The following CCSER1 variants were observed in gnomAD, a reference collection of about 807,000 sequenced individuals.
The protein encoded by CCSER1 is coiled-coil serine rich protein 1, also known as serine-rich coiled-coil domain-containing protein 1.
CCSER1 carries 41 observed loss-of-function variants against 82.0 expected under a neutral mutation model. The observed-to-expected ratio is 0.50, with a 90% confidence interval of 0.39 to 0.65. CCSER1 has a LOEUF of 0.65. Ranked by LOEUF, CCSER1 falls within the 30% of genes least tolerant of loss-of-function variation. The pLI is 0.00. For missense variants in CCSER1, 1,119 were observed against 1,064.2 expected (o/e 1.05, Z -0.72); for synonymous variants, 414 against 383.9 (o/e 1.08, Z -0.92).
chr4:90,648,038 T>A (rs993512996), intron 6 of CCSER1, among the ~76,000 whole-genome samples: 1 of 152,046 alleles, frequency 6.6e-6, no homozygotes, highest in Admixed American at 6.6e-5. Flanking sequence ...AAGGGAACTT[T>A]TTTTCATTCA....
intron 6 of CCSER1, among the ~76,000 whole-genome samples, chr4:90,675,458 T>A (rs959068908): frequency 3.3e-5 from 5 of 151,992 alleles, no homozygotes; most frequent in Non-Finnish European, 7.4e-5. Context: ...AATATTAGTT[T>A]GAAATCAAAT....
chr4:91,177,343 A>T (rs1205514580), intron 10 of CCSER1, among the ~76,000 whole-genome samples: 3 of 152,100 alleles, frequency 2.0e-5, no homozygotes, highest in Non-Finnish European at 4.4e-5. Context: ...TAAAATGAGT[A>T]ATGGAGGATT....
chr4:91,115,216 T>C (rs1184059943), intron 10 of CCSER1, among the ~76,000 whole-genome samples: 2 of 152,254 alleles, frequency 1.3e-5, no homozygotes, highest in African/African-American at 4.8e-5. Context: ...AATATTTGCA[T>C]TGAATTATGA....
At chr4:91,500,683 T>C (rs563404243) in intron 10 of CCSER1, among the ~76,000 whole-genome samples, 7 of 152,140 alleles carry the variant, frequency 4.6e-5, no homozygotes, top group Non-Finnish European at 8.8e-5. Context: ...TTGAGCAACC[T>C]TGGGAAACTT....
At chr4:90,210,973 ATT>A (rs147865545) in intron 1 of CCSER1, among the ~76,000 whole-genome samples, 1,771 of 152,026 alleles carry the variant, frequency 0.012, 21 homozygotes, top group African/African-American at 0.033. Flanking sequence ...ATTTTTGTTT[ATT>A]TCAGTTGTCT....
intron 10 of CCSER1, among the ~76,000 whole-genome samples, chr4:91,163,739 G>A (rs1013839127): frequency 1.3e-5 from 2 of 151,408 alleles, no homozygotes; most frequent in Non-Finnish European, 2.9e-5. Context: ...TTTTTTCAGA[G>A]ACTAGGATTG....
chr4:91,451,382 A>T (rs1446584463), intron 10 of CCSER1, among the ~76,000 whole-genome samples: 1 of 152,046 alleles, frequency 6.6e-6, no homozygotes, highest in African/African-American at 2.4e-5. Context: ...AAAGCATCAT[A>T]CTATTTCCAA....
chr4:90,969,194 T>C (rs184737113), intron 9 of CCSER1, among the ~76,000 whole-genome samples: 86 of 152,060 alleles, frequency 5.7e-4, no homozygotes, highest in African/African-American at 2.0e-3. Flanking sequence ...ATACACATTA[T>C]GTAAGTGTCT....
chr4:91,599,249 T>G lies in CCSER1; in HGVS notation c.*192T>G. 1 of 634,670 alleles carries G rather than the reference T, an allele frequency of 1.6e-6. No individual in the cohort carries two copies. Among genetic ancestry groups the G allele is most frequent in the Admixed American group, 3.4e-5 (1 of 29,328 alleles). 39.3% of individuals were successfully genotyped at this position (634,670 alleles called of 1,614,324 possible). A position where few individuals can be genotyped will look rare whatever the true frequency, so the allele number is the denominator to read the frequency against. On this transcript the variant is annotated 3_prime_UTR_variant, in exon 11 of 11. Transcript: ENST00000509176. ...TTTTCCAAGAGTGAAAGTTTGAGCA[T>G]GTTAATTGAACTAGGTTGCATTGCC...
intron 5 of CCSER1, among the ~76,000 whole-genome samples, chr4:90,567,972 T>C (rs934281680): frequency 1.3e-5 from 2 of 152,188 alleles, no homozygotes; most frequent in African/African-American, 4.8e-5. Context: ...CATGAGCATG[T>C]TGTTTAATTT....
intron 10 of CCSER1, among the ~76,000 whole-genome samples, chr4:91,476,144 G>A (rs1438468328): frequency 6.6e-6 from 1 of 151,586 alleles, no homozygotes; most frequent in African/African-American, 2.4e-5. Flanking sequence ...CCTTTCTTTT[G>A]GATACATATT....
chr4:90,200,462 T>A (rs1378759054), intron 1 of CCSER1, among the ~76,000 whole-genome samples: 2 of 151,954 alleles, frequency 1.3e-5, no homozygotes, highest in African/African-American at 2.4e-5. Flanking sequence ...TAAAAAAAAA[T>A]TTCTAAAAAA....
intron 10 of CCSER1, among the ~76,000 whole-genome samples, chr4:91,095,413 C>T (rs934218100): frequency 3.9e-5 from 6 of 152,182 alleles, no homozygotes; most frequent in Non-Finnish European, 7.3e-5. Flanking sequence ...CTAATTGCCA[C>T]AGCCAGCAAA....
chr4:91,359,442 CAT>C lies in CCSER1; in HGVS notation c.2218-239129_2218-239128del, dbSNP rs535877315. On this transcript the variant is annotated intron_variant, in intron 10 of 10. Transcript: ENST00000509176. The stretch of plus-strand genomic sequence containing the variant: ...GAGGGTCTCTCTCTTACCTCAATCT[CAT>C]GTGGAAAACAGTGACTGATAAACTT... Among the ~76,000 whole-genome samples, 544 of 151,954 alleles carry C rather than the reference CAT, an allele frequency of 3.6e-3. 9 individuals carry two copies. The highest frequency in any genetic ancestry group is 4.5e-3 in the Non-Finnish European group (305 of 67,870).
intron 7 of CCSER1, among the ~76,000 whole-genome samples, chr4:90,784,983 T>G (rs2149629843): frequency 6.6e-6 from 1 of 152,278 alleles, no homozygotes; most frequent in Middle Eastern, 3.4e-3. Context: ...AACAGGAAGA[T>G]GAAGGGTTGG....
Position 90,971,161 on chromosome 4 carries a change from G to A in CCSER1, c.2172+47714G>A, listed in dbSNP as rs890186056. Reference sequence around the variant, plus strand: ...CTATGATAAAGACATACTTGAGACCGCATTATTTATGGGGAAAAGAAGTTT... The same window carrying A: ...CTATGATAAAGACATACTTGAGACCACATTATTTATGGGGAAAAGAAGTTT... On this transcript the variant is annotated intron_variant, in intron 9 of 10. Transcript: ENST00000509176. Among the ~76,000 whole-genome samples the A allele has an allele frequency of 6.6e-5, 10 of 151,798 alleles. 1 individual carries two copies. Among genetic ancestry groups the A allele is most frequent in the Admixed American group, 2.0e-4 (3 of 15,186 alleles).
At chr4:90,740,605 G>T (rs114966544) in intron 7 of CCSER1, among the ~76,000 whole-genome samples, 2,018 of 152,190 alleles carry the variant, frequency 0.013, 52 homozygotes, top group African/African-American at 0.046. Flanking sequence ...AATCATTTCA[G>T]AAAGGTTGGT....
At chr4:90,573,849 G>T (rs1315744588) in intron 5 of CCSER1, among the ~76,000 whole-genome samples, 4 of 152,028 alleles carry the variant, frequency 2.6e-5, no homozygotes. Context: ...AAATATTTTA[G>T]ATCCATCAAT....
chr4:91,248,189 A>G (rs1317215347), intron 10 of CCSER1, among the ~76,000 whole-genome samples: 1 of 152,218 alleles, frequency 6.6e-6, no homozygotes, highest in Non-Finnish European at 1.5e-5. Flanking sequence ...AAATACCCAC[A>G]TATGCACTCA....
Sources: allele counts gnomAD v4.1 joint callset (sites outside exome capture counted in the v4.1 genomes callset), GRCh38; gene constraint gnomAD v4.1.1; transcripts MANE v1.5; gene names NCBI Gene and HGNC (gene_info 2026-07-23, HGNC 2026-07-21).